Variants in PI4KA observed in about 807,000 individuals in gnomAD.
PI4KA encodes the protein phosphatidylinositol 4-kinase alpha.
Under a neutral mutation model 271.4 loss-of-function variants are expected in PI4KA, and 122 were observed. The ratio of observed to expected loss-of-function variants is 0.45; its 90% CI spans 0.39 to 0.52. The LOEUF is 0.52. Ranked by LOEUF, PI4KA falls within the 20% of genes least tolerant of loss-of-function variation. The pLI, the probability that PI4KA is intolerant of heterozygous loss-of-function variation, is 0.00. For missense variants in PI4KA, 1,969 were observed against 2,769.1 expected (o/e 0.71, Z 6.48); for synonymous variants, 1,041 against 1,078.8 (o/e 0.96, Z 0.69).
chr22:20,764,832 C>T lies in PI4KA; in HGVS notation c.2693G>A (p.Arg898Gln), dbSNP rs764657676. Residue 898 changes from arginine (R) to glutamine (Q), a missense_variant, in exon 22 of 55, where the codon CGG becomes CAG. Coordinates refer to ENST00000255882, the MANE Select transcript of PI4KA (RefSeq NM_058004.4). The stretch of plus-strand genomic sequence containing the variant: ...GCACGTGTACCTCATGTACTCCAGC[C>T]GGTACACAGAGAGGAGGTAGGTGGA... Reference protein sequence around the residue: ...AMSTYLLSVYRLEYMRVLRST... With the variant: ...AMSTYLLSVYQLEYMRVLRST... 4 of 1,612,658 alleles carry T rather than the reference C, an allele frequency of 2.5e-6. No homozygotes were observed. The highest frequency in any genetic ancestry group is 1.1e-5 in the South Asian group (1 of 90,742).
intron 37 of PI4KA, 87 bp from the exon 38 acceptor site, chr22:20,729,798 T>C: frequency 6.3e-7 from 1 of 1,588,402 alleles, no homozygotes; most frequent in Non-Finnish European, 8.6e-7. Context: ...CTTGCAGTGC[T>C]CTGTTCTGCT....
At chr22:20,851,664 C>T (rs1926995768) in intron 1 of PI4KA, among the ~76,000 whole-genome samples, 2 of 152,100 alleles carry the variant, frequency 1.3e-5, no homozygotes, top group Non-Finnish European at 2.9e-5. Context: ...ATCCAGGCTT[C>T]CAGATAAGCT....
At chr22:20,750,295 G>GT (rs1226255405) in intron 27 of PI4KA, among the ~76,000 whole-genome samples, 1 of 152,188 alleles carries the variant, frequency 6.6e-6, no homozygotes, top group Non-Finnish European at 1.5e-5. Context: ...GGAAGAACAC[G>GT]TAAAGACACA....
intron 1 of PI4KA, among the ~76,000 whole-genome samples, chr22:20,856,498 A>C (rs1569107485): frequency 6.7e-6 from 1 of 150,326 alleles, no homozygotes; most frequent in Non-Finnish European, 1.5e-5. Flanking sequence ...GCAATGGCGC[A>C]ATCTTGGCTC....
rs5760411 is a variant in PI4KA at position 20,758,136 on chromosome 22, C to T, written c.2791+3168G>A. ...ATCCCTGCACTTTGGGAGGCCGAGG[C>T]GGGCGGATCACGAGGTCAGGAGATC... is the stretch of plus-strand genomic sequence containing the variant. On this transcript the variant is annotated intron_variant, in intron 23 of 54. Coordinates refer to ENST00000255882, the MANE Select transcript of PI4KA (RefSeq NM_058004.4). 2.0e-4 allele frequency among the ~76,000 whole-genome samples: 30 copies of T among 151,926 alleles called. 1 individual carries two copies. In the South Asian group the frequency reaches 2.9e-3, roughly 15 times the overall value.
intron 1 of PI4KA, among the ~76,000 whole-genome samples, chr22:20,856,291 A>T (rs766905141): frequency 6.6e-6 from 1 of 151,716 alleles, no homozygotes; most frequent in Non-Finnish European, 1.5e-5. Flanking sequence ...CAGCCTGGGC[A>T]ACAGAGCGAG....
chr22:20,741,778 C>T (rs1354452893), intron 32 of PI4KA, among the ~76,000 whole-genome samples: 2 of 152,156 alleles, frequency 1.3e-5, no homozygotes, highest in East Asian at 1.9e-4. Flanking sequence ...TGTTCTTAAG[C>T]GTTTATCTAA....
intron 19 of PI4KA, among the ~76,000 whole-genome samples, chr22:20,791,994 G>A (rs6004265): frequency 0.027 from 4,116 of 152,024 alleles, 180 homozygotes; most frequent in African/African-American, 0.095. Flanking sequence ...CCAGGTACTC[G>A]GGAGACTGAG....
At chr22:20,736,046 C>T (rs1928678501) in intron 32 of PI4KA, among the ~76,000 whole-genome samples, 1 of 151,988 alleles carries the variant, frequency 6.6e-6, no homozygotes, top group African/African-American at 2.4e-5. Context: ...GGACCACAGA[C>T]AACAAGAAAT....
chr22:20,830,040 T>C (rs1352350736), intron 3 of PI4KA, among the ~76,000 whole-genome samples: 1 of 152,204 alleles, frequency 6.6e-6, no homozygotes, highest in Non-Finnish European at 1.5e-5. Flanking sequence ...TTGCTGAGGC[T>C]TGTTTTATGT....
In PI4KA at chr22:20,765,164, C is replaced by T. The variant is rs1480198256; in HGVS notation, c.2510G>A (p.Ser837Asn). The part of the protein sequence containing the change: ...ATKSPLLTFP[S>N]KEPLRSVLQY... ...GAGGACGGACCGCAGTGGCTCCTTG[C>T]TGGGAAAGGTGAGCAAGGGGGACTT... is the stretch of plus-strand genomic sequence containing the variant. The change falls in exon 21 of 55, where the codon AGC becomes AAC. Residue 837 changes from serine (S) to asparagine (N), a missense_variant. Physicochemically the swap from Ser to Asn is conservative, Grantham distance 46. Transcript: ENST00000255882. 6.2e-7 allele frequency: 1 copy of T among 1,613,862 alleles called. No individual in the cohort carries two copies. The highest frequency in any genetic ancestry group is 8.5e-7 in the Non-Finnish European group (1 of 1,179,930).
intron 1 of PI4KA, among the ~76,000 whole-genome samples, chr22:20,853,210 T>C (rs1026382594): frequency 4.6e-5 from 7 of 152,154 alleles, no homozygotes; most frequent in South Asian, 4.2e-4. Context: ...GGGAGAGGAA[T>C]AGAAGGACAA....
chr22:20,728,637 T>C (rs1042166399), intron 39 of PI4KA, among the ~76,000 whole-genome samples: 1 of 152,208 alleles, frequency 6.6e-6, no homozygotes, highest in Non-Finnish European at 1.5e-5. Flanking sequence ...GGATGTCCCA[T>C]GAGCACTGTG....
chr22:20,752,381 C>G (rs866673975), intron 25 of PI4KA, among the ~76,000 whole-genome samples: 2 of 152,234 alleles, frequency 1.3e-5, no homozygotes, highest in Non-Finnish European at 2.9e-5. Flanking sequence ...CTGCAGGCAG[C>G]CTCCATGTGG....
rs986501361 is a variant in PI4KA at position 20,710,953 on chromosome 22, G to A, written c.5924-95C>T. The A allele has an allele frequency of 6.7e-5, 94 of 1,399,736 alleles. No homozygotes were observed. In the Admixed American group the frequency reaches 1.6e-3, roughly 23 times the overall value. 86.7% of individuals were successfully genotyped at this position (1,399,736 alleles called of 1,614,324 possible). On this transcript the variant is annotated intron_variant, in intron 51 of 54. Coordinates refer to ENST00000255882, the MANE Select transcript of PI4KA (RefSeq NM_058004.4). ...TGAGGAGTGGAAAAGGACTGCAACA[G>A]GAGCACCCCCTCCACCCCCAACAGG...
Position 20,858,626 on chromosome 22 carries a change from T to C in PI4KA, c.100A>G (p.Thr34Ala). The C allele has an allele frequency of 6.7e-7, 1 of 1,487,286 alleles. No individual in the cohort carries two copies. The highest frequency in any genetic ancestry group is 1.3e-5 in the South Asian group (1 of 78,868). 92.1% of individuals were successfully genotyped at this position (1,487,286 alleles called of 1,614,324 possible). A position where few individuals can be genotyped will look rare whatever the true frequency, so the allele number is the denominator to read the frequency against. ...AGGGAGCGGGCCAGTGACAGGACCG[T>C]GTTGAAATAGAAGCCCCGCGAGGCG... ...SSASRGFYFN[T>A]VLSLARSLAV... Residue 34 changes from threonine to alanine, a missense_variant, in exon 1 of 55, where the codon ACG (threonine) becomes GCG (alanine). Around this residue, in one of 13 missense-constraint regions of PI4KA, gnomAD observed 540 missense variants for 555.5 expected, o/e 0.97. Coordinates refer to ENST00000255882, the MANE Select transcript of PI4KA (RefSeq NM_058004.4).
At position 20,798,644 on chromosome 22, in the gene PI4KA, C is replaced by T. The variant is rs777232443; in HGVS notation, c.2048G>A (p.Ser683Asn). The T allele has an allele frequency of 6.2e-7, 1 of 1,613,938 alleles. No individual in the cohort carries two copies. Among genetic ancestry groups the T allele is most frequent in the South Asian group, 1.1e-5 (1 of 91,082 alleles). The change falls in exon 17 of 55, where the codon AGT becomes AAT. Residue 683 changes from serine (S) to asparagine (N), a missense_variant. By Grantham distance (46) the Ser-to-Asn change is conservative (BLOSUM62 1). Transcript: ENST00000255882. ...QEVWNLFQQISVKASSVVYSA... is the reference protein window; with the variant it reads ...QEVWNLFQQINVKASSVVYSA... ...GTATACAACGGAGCTGGCCTTCACA[C>T]TGATCTGCTGGAAGAGGTTCCACAC...
At chr22:20,726,886 T>C (rs967541889) in intron 41 of PI4KA, among the ~76,000 whole-genome samples, 3 of 150,940 alleles carry the variant, frequency 2.0e-5, no homozygotes, top group African/African-American at 7.3e-5. Flanking sequence ...CCACAAGGAG[T>C]GAGGGACCCT....
chr22:20,769,379 T>C (rs900933247), intron 19 of PI4KA, among the ~76,000 whole-genome samples: 6 of 152,072 alleles, frequency 3.9e-5, no homozygotes, highest in African/African-American at 1.4e-4. Flanking sequence ...CTAAGAAGTA[T>C]CAAGGTCAGG....
Sources: gnomAD v4.1 joint callset for allele counts (sites outside exome capture counted in the v4.1 genomes callset) on GRCh38, gnomAD v4.1.1 for gene constraint, gnomAD v4.1.1 regional missense constraint, MANE v1.5 for transcripts, NCBI Gene and HGNC (gene_info 2026-07-23, HGNC 2026-07-21) for gene names.